Variants in CTNND1 observed in about 807,000 individuals in gnomAD.
CTNND1 encodes the protein catenin delta-1.
Under a neutral mutation model 112.1 loss-of-function variants are expected in CTNND1, and 16 were observed. That is an observed-to-expected ratio of 0.14 (90% CI 0.10 to 0.22). The LOEUF is 0.22. Among genes scored for constraint, CTNND1 ranks in the 10% least tolerant of loss-of-function variants. CTNND1 has a pLI of 1.00. For missense variants in CTNND1, 1,008 were observed against 1,257.0 expected, an observed-to-expected ratio of 0.80 and a Z score of 3.00; for synonymous variants, 420 against 446.5, an observed-to-expected ratio of 0.94 and a Z score of 0.75.
chr11:57,811,331 C>A, intron 16 of CTNND1, 68 bp from the exon 17 acceptor site: 1 of 1,274,998 alleles, frequency 7.8e-7, no homozygotes, highest in Non-Finnish European at 1.1e-6. Flanking sequence ...GAGGTTTATG[C>A]CCATTAGAGC....
chr11:57,772,457 TGA>T (rs1441958968), intron 1 of CTNND1, among the ~76,000 whole-genome samples: 1 of 152,202 alleles, frequency 6.6e-6, no homozygotes, highest in Non-Finnish European at 1.5e-5. Flanking sequence ...CCCCATGCCC[TGA>T]TTGTTGAGAA....
chr11:57,809,931 C>T (rs1309292826), intron 15 of CTNND1, among the ~76,000 whole-genome samples, 178 bp from the exon 16 acceptor site: 1 of 152,100 alleles, frequency 6.6e-6, no homozygotes, highest in Non-Finnish European at 1.5e-5. Context: ...AGATGGTCTC[C>T]ATCTCCTGAC....
intron 2 of CTNND1, among the ~76,000 whole-genome samples, chr11:57,789,994 A>G (rs1316487910): frequency 6.6e-6 from 1 of 152,192 alleles, no homozygotes; most frequent in Non-Finnish European, 1.5e-5. Flanking sequence ...TGTTGTCTCC[A>G]TTAGTCAAGG....
In CTNND1 at chr11:57,780,071, T is replaced by TTG. The variant is rs58673483; in HGVS notation, c.-213-8966_-213-8965insTG. 7.7e-5 allele frequency among the ~76,000 whole-genome samples: 10 copies of TTG among 129,226 alleles called. 4 individuals are homozygous for TTG. The highest frequency in any genetic ancestry group is 8.3e-5 in the Admixed American group (1 of 12,066). 84.8% of individuals were successfully genotyped at this position (129,226 alleles called of 152,430 possible). A position where few individuals can be genotyped will look rare whatever the true frequency, so the allele number is the denominator to read the frequency against. On this transcript the variant is annotated intron_variant, in intron 1 of 20. Coordinates refer to ENST00000399050, the MANE Select transcript of CTNND1 (RefSeq NM_001085458.2). ...ACTAGAATGACTTTTTTTTTTTTTT[T>TTG]GAGACAGGGTCTTACTCTGTCACTG...
chr11:57,777,108 G>GT (rs1271336268), intron 1 of CTNND1, among the ~76,000 whole-genome samples: 3 of 152,186 alleles, frequency 2.0e-5, no homozygotes, highest in African/African-American at 7.2e-5. Flanking sequence ...ACCATGCCAA[G>GT]TAAGAGACTG....
chr11:57,818,285 A>G lies in CTNND1; in HGVS notation c.*1977A>G, dbSNP rs1467686001. Reference sequence around the variant, plus strand: ...TTTTTCTCTCTTTTGTTTATAAAAAACACTAAACATTCAATTCCAGAGAAC... The same window carrying G: ...TTTTTCTCTCTTTTGTTTATAAAAAGCACTAAACATTCAATTCCAGAGAAC... On this transcript the variant is annotated 3_prime_UTR_variant, in exon 21 of 21. Coordinates refer to ENST00000399050, the MANE Select transcript of CTNND1 (RefSeq NM_001085458.2). 6.6e-6 allele frequency: 1 copy of G among 151,814 alleles called. No homozygotes were observed. The highest frequency in any genetic ancestry group is 1.5e-5 in the Non-Finnish European group (1 of 67,862). The allele number at this position is 151,814 out of a possible 1,614,324, so 9.4% of individuals were successfully genotyped here.
At chr11:57,777,360 C>T (rs1028843184) in intron 1 of CTNND1, among the ~76,000 whole-genome samples, 4 of 152,112 alleles carry the variant, frequency 2.6e-5, no homozygotes, top group East Asian at 1.9e-4. Context: ...CCTCTGCCTC[C>T]CGGGCTCAAG....
At chr11:57,776,798 C>G (rs1176725263) in intron 1 of CTNND1, among the ~76,000 whole-genome samples, 1 of 152,126 alleles carries the variant, frequency 6.6e-6, no homozygotes, top group African/African-American at 2.4e-5. Flanking sequence ...TCTATCTCAC[C>G]TGCTCAATTT....
chr11:57,795,641 C>G lies in CTNND1; in HGVS notation c.332C>G (p.Thr111Ser). Residue 111 changes from threonine to serine, a missense_variant, in exon 5 of 21, where the codon ACC becomes AGC. Transcript: ENST00000399050. ...CAGGAGCCGGGGCAGATTGTGGAGA[C>G]CTACACGGAGGAGGATCCTGAGGGA... ...RMQEPGQIVE[T>S]YTEEDPEGAM... 1 of 1,600,846 alleles carries G rather than the reference C, an allele frequency of 6.2e-7. No homozygotes were observed. The highest frequency in any genetic ancestry group is 1.1e-5 in the South Asian group (1 of 89,440).
chr11:57,781,561 T>C (rs1411422430), intron 1 of CTNND1: 1 of 152,256 alleles, frequency 6.6e-6, no homozygotes, highest in African/African-American at 2.4e-5. Context: ...CTTATCTTTG[T>C]TTCCTTATCG....
intron 1 of CTNND1, 54 bp downstream of exon 1, chr11:57,762,173 T>C (rs1182519414): frequency 1.2e-6 from 1 of 816,532 alleles, no homozygotes; most frequent in East Asian, 1.2e-4. Context: ...TGAGTAACTT[T>C]TAAGCAATTA....
At chr11:57,798,449 T>C (rs1319448879) in intron 6 of CTNND1, among the ~76,000 whole-genome samples, 4 of 152,118 alleles carry the variant, frequency 2.6e-5, no homozygotes, top group South Asian at 4.1e-4. Flanking sequence ...ATAAGAACTT[T>C]CTTGTGTTTT....
In CTNND1 at chr11:57,808,485, T is replaced by C. The variant is rs184576341; in HGVS notation, c.2187T>C (p.Ala729=). ...ATGAACATGAACGGGTGGTGAAAGC[T>C]GCATCTGGAGCACTGAGAAACCTGG... ...LTNEHERVVK[A]ASGALRNLAV... The change falls in exon 14 of 21, where the codon GCT becomes GCC. Residue 729 remains alanine, a synonymous_variant. Coordinates refer to ENST00000399050, the MANE Select transcript of CTNND1 (RefSeq NM_001085458.2). 1.1e-4 allele frequency: 181 copies of C among 1,612,462 alleles called. No homozygotes were observed. In the East Asian group the frequency reaches 3.6e-3, roughly 32 times the overall value.
intron 1 of CTNND1, among the ~76,000 whole-genome samples, chr11:57,768,039 T>C (rs1379732034): frequency 1.3e-5 from 2 of 151,986 alleles, no homozygotes; most frequent in Non-Finnish European, 2.9e-5. Flanking sequence ...TTCACCATAT[T>C]GGCCAGGCTG....
Position 57,796,612 on chromosome 11 carries a change from CTAT to C in CTNND1, c.577_579del (p.Tyr193del). 1 of 1,613,960 alleles carries C rather than the reference CTAT, an allele frequency of 6.2e-7. No individual in the cohort carries two copies. Among genetic ancestry groups the C allele is most frequent in the South Asian group, 1.1e-5 (1 of 91,078 alleles). On this transcript the variant is annotated inframe_deletion, in exon 6 of 21. Transcript: ENST00000399050. Reference sequence around the variant, plus strand: ...AGAATGGCAATGGGGGACCTGGTCCCTATGTGGGGCAAGCTGGCACTGCTACCC... The same window carrying C: ...AGAATGGCAATGGGGGACCTGGTCCCGTGGGGCAAGCTGGCACTGCTACCC...
rs1211496682 is a variant in CTNND1, at chr11:57,801,952, C to T, written c.1176C>T (p.His392=). ...CCAATGCAGCTGCATACCTGCAACA[C>T]TTATGCTACCGCAATGACAAGGTGA... ...VKSNAAAYLQ[H]LCYRNDKVKT... Residue 392 remains histidine (H), a synonymous_variant, in exon 7 of 21, where the codon CAC becomes CAT. Transcript: ENST00000399050. 1.9e-6 allele frequency: 3 copies of T among 1,614,046 alleles called. No homozygotes were observed. Among genetic ancestry groups the T allele is most frequent in the Non-Finnish European group, 2.5e-6 (3 of 1,179,906 alleles).
At chr11:57,790,040 T>G (rs772624286) in intron 2 of CTNND1, among the ~76,000 whole-genome samples, 1 of 152,164 alleles carries the variant, frequency 6.6e-6, no homozygotes, top group Non-Finnish European at 1.5e-5. Flanking sequence ...TTTAACAAAC[T>G]ATAGTAGTAT....
chr11:57,762,747 T>C (rs1565259560), intron 1 of CTNND1, among the ~76,000 whole-genome samples: 1 of 152,208 alleles, frequency 6.6e-6, no homozygotes. Flanking sequence ...AATGGAACCA[T>C]GTTAACTGAA....
chr11:57,816,591 T>C lies in CTNND1; in HGVS notation c.*283T>C. 2 of 506,390 alleles carry C rather than the reference T, an allele frequency of 3.9e-6. No individual in the cohort carries two copies. The highest frequency in any genetic ancestry group is 3.6e-6 in the Non-Finnish European group (1 of 281,176). 31.4% of individuals were successfully genotyped at this position (506,390 alleles called of 1,614,324 possible). Reference sequence around the variant, plus strand: ...TTGAGAAACTGCTGCAGATTAGTTCTTTTTGCCAGTTTTCCCTGGAACTCC... The same window carrying C: ...TTGAGAAACTGCTGCAGATTAGTTCCTTTTGCCAGTTTTCCCTGGAACTCC... On this transcript the variant is annotated 3_prime_UTR_variant, in exon 21 of 21. Coordinates refer to ENST00000399050, the MANE Select transcript of CTNND1 (RefSeq NM_001085458.2).
Sources: gnomAD v4.1 joint callset for allele counts (sites outside exome capture counted in the v4.1 genomes callset) on GRCh38, gnomAD v4.1.1 for gene constraint, MANE v1.5 for transcripts, NCBI Gene and HGNC (gene_info 2026-07-23, HGNC 2026-07-21) for gene names.